The following CFAP61 variants were observed in gnomAD, a reference collection of about 807,000 sequenced individuals.
The protein encoded by CFAP61 is cilia and flagella associated protein 61.
Under a neutral mutation model 135.6 loss-of-function variants are expected in CFAP61, and 107 were observed. That is an observed-to-expected ratio of 0.79 (90% CI 0.67 to 0.93). The LOEUF (loss-of-function observed/expected upper bound fraction) is 0.93, where lower values mean the gene tolerates loss of function less well. CFAP61 is among the 40% of genes least tolerant of loss of function. The pLI is 0.00. For missense variants in CFAP61, 1,507 were observed against 1,556.2 expected (o/e 0.97, Z 0.53); for synonymous variants, 575 against 578.5 (o/e 0.99, Z 0.09).
intron 24 of CFAP61, among the ~76,000 whole-genome samples, chr20:20,294,349 G>A (rs2055233276): frequency 6.6e-6 from 1 of 152,220 alleles, no homozygotes. Flanking sequence ...AGAAACCCCT[G>A]TTTGAGTGAA....
In CFAP61 at chr20:20,129,137, T is replaced by G. The variant is rs2146715081; in HGVS notation, c.860-13720T>G. ...TTAGAATATTTTGGGTTTGTCCATG[T>G]ACTTAATTTTACCAGTATGTTTTAT... On this transcript the variant is annotated intron_variant, in intron 8 of 26. Coordinates refer to ENST00000245957, the MANE Select transcript of CFAP61 (RefSeq NM_015585.4). Among the ~76,000 whole-genome samples, 2 of 151,904 alleles carry G rather than the reference T, an allele frequency of 1.3e-5. 1 individual carries two copies. The highest frequency in any genetic ancestry group is 4.9e-5 in the African/African-American group (2 of 41,190).
At chr20:20,309,043 C>T (rs1382962736) in intron 25 of CFAP61, among the ~76,000 whole-genome samples, 1 of 152,166 alleles carries the variant, frequency 6.6e-6, no homozygotes, top group Non-Finnish European at 1.5e-5. Context: ...TTCTACTGAG[C>T]CACGAGAAGG....
chr20:20,298,094 T>C (rs2055781290), intron 24 of CFAP61, 87 bp from the exon 25 acceptor site: 1 of 876,510 alleles, frequency 1.1e-6, no homozygotes, highest in Non-Finnish European at 1.9e-6. Flanking sequence ...CTGTCTGTTA[T>C]ATTTGAAAAA....
At chr20:20,315,983 C>A (rs1256036707) in intron 25 of CFAP61, among the ~76,000 whole-genome samples, 1 of 152,150 alleles carries the variant, frequency 6.6e-6, no homozygotes, top group South Asian at 2.1e-4. Context: ...ATTCCTCCAG[C>A]TTTGTTCTTT....
At chr20:20,087,521 G>T (rs2046891931) in intron 6 of CFAP61, among the ~76,000 whole-genome samples, 1 of 152,120 alleles carries the variant, frequency 6.6e-6, no homozygotes, top group South Asian at 2.1e-4. Context: ...AAGAAAGCAG[G>T]GTTTTAAGAA....
intron 2 of CFAP61, among the ~76,000 whole-genome samples, chr20:20,059,385 G>A (rs182929999): frequency 1.6e-4 from 24 of 146,704 alleles, no homozygotes; most frequent in African/African-American, 6.0e-4. Context: ...GGGATGCTGA[G>A]GTGGGCAGAT....
chr20:20,163,930 C>A, intron 10 of CFAP61, 120 bp from the exon 11 acceptor site: 2 of 698,648 alleles, frequency 2.9e-6, no homozygotes, highest in South Asian at 2.9e-5. Context: ...TGAGTTGTTT[C>A]GGGTGACAGT....
chr20:20,063,106 C>T (rs183663694), intron 2 of CFAP61, among the ~76,000 whole-genome samples: 57 of 152,304 alleles, frequency 3.7e-4, no homozygotes, highest in East Asian at 2.1e-3. Context: ...AATCCTCCCG[C>T]CAATAAAATG....
intron 17 of CFAP61, chr20:20,200,981 A>G: frequency 1.0e-6 from 1 of 983,458 alleles, no homozygotes; most frequent in South Asian, 4.7e-5. Context: ...GTAAAATAAC[A>G]AAAAATTTAT....
intron 23 of CFAP61, 133 bp from the exon 24 acceptor site, chr20:20,290,167 T>C: frequency 3.0e-6 from 2 of 656,954 alleles, no homozygotes; most frequent in Non-Finnish European, 5.5e-6. Flanking sequence ...TTGTTGTTAG[T>C]GGTACTTTAG....
chr20:20,123,896 C>G (rs1452243946), intron 8 of CFAP61, among the ~76,000 whole-genome samples: 1 of 147,324 alleles, frequency 6.8e-6, no homozygotes. Context: ...TTTGTTTCAT[C>G]TGTGATTTCT....
At chr20:20,159,796 C>A (rs1839977222) in intron 10 of CFAP61, among the ~76,000 whole-genome samples, 1 of 152,228 alleles carries the variant, frequency 6.6e-6, no homozygotes. Context: ...TTCTCTGTAT[C>A]ATATGCACAT....
Position 20,087,837 on chromosome 20 carries a change from C to T in CFAP61, c.567-3007C>T, listed in dbSNP as rs373125901. On this transcript the variant is annotated intron_variant, in intron 6 of 26. Coordinates refer to ENST00000245957, the MANE Select transcript of CFAP61 (RefSeq NM_015585.4). ...CCAGACCCAGGCAGCCTGGCTCCCC[C>T]GCTCAGGCTGTGACCACTATGCTGT... 7.9e-5 allele frequency among the ~76,000 whole-genome samples: 12 copies of T among 152,134 alleles called. No individual in the cohort carries two copies. In the East Asian group the frequency reaches 1.9e-3, roughly 25 times the overall value.
intron 7 of CFAP61, among the ~76,000 whole-genome samples, chr20:20,091,557 A>T (rs1264879644): frequency 6.6e-6 from 1 of 152,048 alleles, no homozygotes; most frequent in Non-Finnish European, 1.5e-5. Flanking sequence ...AGTAAGTTGC[A>T]TACATAATGC....
At chr20:20,178,321 G>C (rs906962018) in intron 13 of CFAP61, among the ~76,000 whole-genome samples, 5 of 152,142 alleles carry the variant, frequency 3.3e-5, no homozygotes, top group Non-Finnish European at 5.9e-5. Flanking sequence ...TAACCTCTAA[G>C]ACACTTCCAA....
chr20:20,246,925 C>T (rs2050497625), intron 19 of CFAP61, among the ~76,000 whole-genome samples: 1 of 152,164 alleles, frequency 6.6e-6, no homozygotes, highest in Admixed American at 6.5e-5. Flanking sequence ...TGAGAAAAAA[C>T]ACAACTTCCT....
intron 19 of CFAP61, 110 bp from the exon 20 acceptor site, chr20:20,251,485 C>A: frequency 1.0e-6 from 1 of 966,138 alleles, no homozygotes; most frequent in Non-Finnish European, 1.6e-6. Context: ...AAACTCACAG[C>A]AAGAGCACGG....
At chr20:20,340,650 C>T (rs2122367837) in intron 25 of CFAP61, among the ~76,000 whole-genome samples, 1 of 152,242 alleles carries the variant, frequency 6.6e-6, no homozygotes, top group Middle Eastern at 3.4e-3. Context: ...ATGAGGAAAG[C>T]AGCGAGCAGG....
At chr20:20,310,738 A>G (rs1414357564) in intron 25 of CFAP61, among the ~76,000 whole-genome samples, 4 of 152,178 alleles carry the variant, frequency 2.6e-5, no homozygotes, top group African/African-American at 9.7e-5. Context: ...CTCCATGACC[A>G]ATCCTCTCTG....
Sources: gnomAD v4.1 joint callset for allele counts (sites outside exome capture counted in the v4.1 genomes callset) on GRCh38, gnomAD v4.1.1 for gene constraint, MANE v1.5 for transcripts, NCBI Gene and HGNC (gene_info 2026-07-23, HGNC 2026-07-21) for gene names.